YLPM1: variants seen among roughly 807,000 people sequenced by gnomAD.
YLPM1 encodes the protein YLP motif-containing protein 1.
YLPM1 carries 99 observed loss-of-function variants against 230.0 expected under a neutral mutation model. That is an observed-to-expected ratio of 0.43 (90% CI 0.37 to 0.51). The LOEUF (loss-of-function observed/expected upper bound fraction) is 0.51. Among genes scored for constraint, YLPM1 ranks in the 20% least tolerant of loss-of-function variants. The pLI is 0.00. For synonymous variants in YLPM1, 984 were observed against 942.5 expected, an observed-to-expected ratio of 1.04 and a Z score of -0.81; for missense variants, 2,592 against 2,707.7, an observed-to-expected ratio of 0.96 and a Z score of 0.95.
At chr14:74,793,345 A>G (rs2091226039) in intron 4 of YLPM1, among the ~76,000 whole-genome samples, 1 of 151,836 alleles carries the variant, frequency 6.6e-6, no homozygotes. Flanking sequence ...TGTGCCTTTT[A>G]TCTTACATTT....
At chr14:74,773,007 G>T (rs773008829) in intron 1 of YLPM1, among the ~76,000 whole-genome samples, 18 of 151,388 alleles carry the variant, frequency 1.2e-4, no homozygotes, top group Middle Eastern at 3.5e-3. Flanking sequence ...CTACAAGGCG[G>T]CCGGGCACGG....
Position 74,799,615 on chromosome 14 carries a change from C to A in YLPM1, c.4318C>A (p.Gln1440Lys). 6.2e-7 allele frequency: 1 copy of A among 1,613,922 alleles called. No homozygotes were observed. Among genetic ancestry groups the A allele is most frequent in the Non-Finnish European group, 8.5e-7 (1 of 1,179,870 alleles). ...GTCCGATGCAAGCTTAGACTCTGAC[C>A]AAGGCCTTGGAGGGGTAATGGTTCT... ...MGSDASLDSD[Q>K]GLGGVMVLSQ... is the part of the protein sequence containing the mutation. Residue 1440 changes from glutamine (Q) to lysine (K), a missense_variant, in exon 5 of 21, where the codon CAA becomes AAA. Around this residue, in one of 4 missense-constraint regions of YLPM1, gnomAD observed 1,862 missense variants for 1,819.8 expected, o/e 1.02. Transcript: ENST00000325680.
At chr14:74,824,351 G>C in intron 18 of YLPM1, 44 bp downstream of exon 18, 1 of 1,582,710 alleles carries the variant, frequency 6.3e-7, no homozygotes, top group Non-Finnish European at 8.6e-7. Context: ...ATACCTGATG[G>C]TAATGGTCAT....
Position 74,782,228 on chromosome 14 carries a change from C to T in YLPM1, c.2185C>T (p.Gln729Ter). ...TGGGGAGTCTTCAGCTGCTCCATCT[C>T]AGCCAATCACTGCAGTGAAGGACAT... Reference protein sequence around the residue: ...GLGESSAAPSQPITAVKDMPV... With the variant: ...GLGESSAAPS The change falls in exon 4 of 21, where the codon CAG becomes TAG. Residue 729 changes from glutamine (Q) to a stop codon, truncating the protein, a stop_gained. Transcript: ENST00000325680. LOFTEE classifies it high-confidence loss of function. 6.2e-7 allele frequency: 1 copy of T among 1,601,038 alleles called. No homozygotes were observed. Among genetic ancestry groups the T allele is most frequent in the South Asian group, 1.1e-5 (1 of 90,850 alleles).
chr14:74,771,801 GGAGA>G (rs1157385760), intron 1 of YLPM1, among the ~76,000 whole-genome samples: 3 of 152,126 alleles, frequency 2.0e-5, no homozygotes, highest in African/African-American at 7.2e-5. Context: ...TTTGACTGAA[GGAGA>G]GAGAGAATGA....
chr14:74,812,804 C>A (rs779829165), intron 11 of YLPM1, 22 bp downstream of exon 11: 2 of 1,603,596 alleles, frequency 1.2e-6, no homozygotes, highest in South Asian at 2.2e-5. Flanking sequence ...GAAGTTGATT[C>A]GTCTTCGTGC....
chr14:74,828,656 G>A (rs2091585204), intron 18 of YLPM1, among the ~76,000 whole-genome samples: 1 of 151,880 alleles, frequency 6.6e-6, no homozygotes, highest in Non-Finnish European at 1.5e-5. Flanking sequence ...ATCTCATATA[G>A]TCAGCTTTTT....
Position 74,787,704 on chromosome 14 carries a change from A to C in YLPM1, c.2282+5379A>C, listed in dbSNP as rs947338745. ...ATTTTAAAGTTTAAAGTAATTTTACAAATAATTTACAGAATTTAAGAATAA... is the reference window on the plus strand; with the variant it reads ...ATTTTAAAGTTTAAAGTAATTTTACCAATAATTTACAGAATTTAAGAATAA... On this transcript the variant is annotated intron_variant, in intron 4 of 20. Coordinates refer to ENST00000325680, the MANE Select transcript of YLPM1 (RefSeq NM_019589.3). Among the ~76,000 whole-genome samples the C allele has an allele frequency of 2.0e-5, 3 of 152,138 alleles. No homozygotes were observed. The East Asian group carries it at 5.8e-4, about 29-fold the overall frequency.
At chr14:74,769,602 T>G (rs1355824883) in intron 1 of YLPM1, among the ~76,000 whole-genome samples, 1 of 151,566 alleles carries the variant, frequency 6.6e-6, no homozygotes, top group Non-Finnish European at 1.5e-5. Flanking sequence ...TTTTTGTATT[T>G]TTAGTACAGA....
At chr14:74,815,561 CAAAAA>C (rs746833102) in intron 11 of YLPM1, among the ~76,000 whole-genome samples, 1 of 114,188 alleles carries the variant, frequency 8.8e-6, no homozygotes. Flanking sequence ...GACTCCATCT[CAAAAA>C]AAAAAAAAAA....
intron 19 of YLPM1, among the ~76,000 whole-genome samples, chr14:74,832,654 G>A (rs2140147848): frequency 6.6e-6 from 1 of 152,196 alleles, no homozygotes; most frequent in South Asian, 2.1e-4. Context: ...TGTATTTTTA[G>A]TAGAGACGGG....
intron 4 of YLPM1, among the ~76,000 whole-genome samples, chr14:74,786,447 A>G (rs977767641): frequency 9.2e-5 from 14 of 151,392 alleles, no homozygotes; most frequent in African/African-American, 3.4e-4. Context: ...AATCTCCCTC[A>G]TCCCCCTCAG....
intron 11 of YLPM1, among the ~76,000 whole-genome samples, chr14:74,815,262 A>G (rs2091467769): frequency 6.6e-6 from 1 of 152,080 alleles, no homozygotes; most frequent in Non-Finnish European, 1.5e-5. Context: ...GTAAGAGTTC[A>G]TCAATTTTGT....
At chr14:74,807,312 C>CA in intron 6 of YLPM1, among the ~76,000 whole-genome samples, 1 of 151,830 alleles carries the variant, frequency 6.6e-6, no homozygotes, top group Admixed American at 6.6e-5. Context: ...AAACAAAAAA[C>CA]AAAAAAATAA....
chr14:74,776,581 G>C (rs2091041619), intron 1 of YLPM1, among the ~76,000 whole-genome samples: 1 of 152,184 alleles, frequency 6.6e-6, no homozygotes, highest in South Asian at 2.1e-4. Flanking sequence ...TTTGACAAAT[G>C]TGTCTCTAAA....
chr14:74,820,222 T>C (rs72732201), intron 16 of YLPM1, among the ~76,000 whole-genome samples: 26 of 152,330 alleles, frequency 1.7e-4, no homozygotes, highest in Non-Finnish European at 3.2e-4. Flanking sequence ...ACTTGATTGC[T>C]GAAACCGGTG....
At position 74,835,954 on chromosome 14, in the gene YLPM1, T is replaced by C. The variant is rs529215896; in HGVS notation, c.*216T>C. On this transcript the variant is annotated 3_prime_UTR_variant, in exon 21 of 21. Transcript: ENST00000325680. Reference sequence around the variant, plus strand: ...CCAAGCAAGACGTTAATTTTTCTTTTAACTGTTTTGGGGAGGGAGGGAGTG... The same window carrying C: ...CCAAGCAAGACGTTAATTTTTCTTTCAACTGTTTTGGGGAGGGAGGGAGTG... 1 of 450,304 alleles carries C rather than the reference T, an allele frequency of 2.2e-6. No individual in the cohort carries two copies. The highest frequency in any genetic ancestry group is 2.0e-5 in the African/African-American group (1 of 49,526). 27.9% of individuals were successfully genotyped at this position (450,304 alleles called of 1,614,324 possible). A position where few individuals can be genotyped will look rare whatever the true frequency, so the allele number is the denominator to read the frequency against.
In YLPM1 at chr14:74,811,633, C is replaced by T; in HGVS notation, c.5242C>T (p.Arg1748Ter). ...RPRDDRAQSY[R>*]DKKDHSSSRR... is the part of the protein sequence containing the mutation. ...TACACCTTCTAGAGCTCAGTCATATCGAGACAAAAAAGACCATTCCTCATC... is the reference window on the plus strand; with the variant it reads ...TACACCTTCTAGAGCTCAGTCATATTGAGACAAAAAAGACCATTCCTCATC... The change falls in exon 10 of 21, where the codon CGA becomes TGA. Residue 1748 changes from arginine to a stop codon, truncating the protein, a stop_gained. Transcript: ENST00000325680. LOFTEE classifies it high-confidence loss of function. The T allele has an allele frequency of 1.2e-6, 2 of 1,609,038 alleles. No individual in the cohort carries two copies. Among genetic ancestry groups the T allele is most frequent in the Non-Finnish European group, 1.7e-6 (2 of 1,178,522 alleles).
chr14:74,787,607 A>G (rs7142898), intron 4 of YLPM1, among the ~76,000 whole-genome samples: 1 of 151,868 alleles, frequency 6.6e-6, no homozygotes, highest in African/African-American at 2.4e-5. Context: ...CGCTGCAGTA[A>G]GACAGTTTGA....
Sources: allele counts gnomAD v4.1 joint callset (sites outside exome capture counted in the v4.1 genomes callset), GRCh38; gene constraint gnomAD v4.1.1; regional missense constraint gnomAD v4.1.1; transcripts MANE v1.5; gene names NCBI Gene and HGNC (gene_info 2026-07-23, HGNC 2026-07-21).